The following RPS6KA2 variants were observed in gnomAD, a reference collection of about 807,000 sequenced individuals.
The protein encoded by RPS6KA2 is ribosomal protein S6 kinase A2.
In RPS6KA2, 42 loss-of-function variants were observed where a neutral mutation model predicts 91.8. That is an observed-to-expected ratio of 0.46 (90% CI 0.36 to 0.59). The LOEUF (loss-of-function observed/expected upper bound fraction) is 0.59. Among genes scored for constraint, RPS6KA2 ranks in the 20% least tolerant of loss-of-function variants. The pLI, the probability that RPS6KA2 is intolerant of heterozygous loss-of-function variation, is 0.00. For missense variants in RPS6KA2, 798 were observed against 978.5 expected, an observed-to-expected ratio of 0.82 and a Z score of 2.46; for synonymous variants, 414 against 393.6, an observed-to-expected ratio of 1.05 and a Z score of -0.61.
intron 1 of RPS6KA2, among the ~76,000 whole-genome samples, chr6:166,539,031 G>A (rs1370032625): frequency 2.0e-5 from 3 of 151,988 alleles, no homozygotes; most frequent in African/African-American, 7.3e-5. Context: ...CACCTCCCAG[G>A]TTCAAGTGAT....
chr6:166,588,764 A>G (rs3799598), intron 1 of RPS6KA2, among the ~76,000 whole-genome samples: 63,196 of 152,074 alleles, frequency 0.42, 13,985 homozygotes, highest in African/African-American at 0.55. Context: ...CCGGAAGCTC[A>G]GGGCCCGAAG....
rs1562501588 is a variant in RPS6KA2 at position 166,450,379 on chromosome 6, GACAGGGACCACCACAGGAGATCACC to G, written c.1206+699_1206+723del. Among the ~76,000 whole-genome samples, 4 of 112,236 alleles carry G rather than the reference GACAGGGACCACCACAGGAGATCACC, an allele frequency of 3.6e-5. No individual in the cohort carries two copies. The South Asian group carries it at 9.7e-4, about 27-fold the overall frequency. 73.6% of individuals were successfully genotyped at this position (112,236 alleles called of 152,430 possible). On this transcript the variant is annotated intron_variant, in intron 13 of 20. Transcript: ENST00000265678. ...CCCTAGGCACCAGCATGGGGACCAC[GACAGGGACCACCACAGGAGATCACC>G]ACAGGGACCACCACAGGGACCACCA...
At chr6:166,502,818 C>T (rs897340277) in intron 6 of RPS6KA2, among the ~76,000 whole-genome samples, 3 of 152,204 alleles carry the variant, frequency 2.0e-5, no homozygotes, top group African/African-American at 7.2e-5. Flanking sequence ...TGTGCTGCTG[C>T]TCTTGTGGGG....
chr6:166,615,949 T>C (rs998179697), intron 1 of RPS6KA2, among the ~76,000 whole-genome samples: 1 of 152,146 alleles, frequency 6.6e-6, no homozygotes, highest in Admixed American at 6.5e-5. Context: ...ACTGCAGTCA[T>C]TCTCATTCAA....
chr6:166,834,839 T>C (rs1391931928), intron 2 of RPS6KA2, among the ~76,000 whole-genome samples: 1 of 151,534 alleles, frequency 6.6e-6, no homozygotes, highest in Admixed American at 6.6e-5. Flanking sequence ...TATTATTTAT[T>C]TATTTATTTA....
At chr6:166,582,913 G>A (rs1785065211) in intron 1 of RPS6KA2, among the ~76,000 whole-genome samples, 2 of 152,328 alleles carry the variant, frequency 1.3e-5, no homozygotes, top group Admixed American at 1.3e-4. Context: ...GTAACTTGAT[G>A]TGGATAATAA....
chr6:166,731,763 G>C (rs1209944381), intron 2 of RPS6KA2, among the ~76,000 whole-genome samples: 1 of 152,048 alleles, frequency 6.6e-6, no homozygotes, highest in African/African-American at 2.4e-5. Context: ...GCCCAAACCT[G>C]GATGTGAATT....
At chr6:166,755,584 C>T (rs1032738030) in intron 2 of RPS6KA2, among the ~76,000 whole-genome samples, 11 of 152,118 alleles carry the variant, frequency 7.2e-5, no homozygotes, top group Admixed American at 2.6e-4. Flanking sequence ...GCCCACCTTC[C>T]GCAGGGCTGG....
intron 1 of RPS6KA2, among the ~76,000 whole-genome samples, chr6:166,547,287 G>T (rs1583267133): frequency 1.3e-5 from 2 of 152,210 alleles, no homozygotes; most frequent in South Asian, 4.1e-4. Flanking sequence ...AAGGAAGGCA[G>T]TTTGGGCTCT....
At chr6:166,637,043 C>T (rs1305935655) in intron 2 of RPS6KA2, among the ~76,000 whole-genome samples, 1 of 152,230 alleles carries the variant, frequency 6.6e-6, no homozygotes, top group Non-Finnish European at 1.5e-5. Flanking sequence ...AGCACCCTTC[C>T]TCTCCACCAC....
chr6:166,503,370 AG>A (rs1782087638), intron 6 of RPS6KA2, among the ~76,000 whole-genome samples: 1 of 152,262 alleles, frequency 6.6e-6, no homozygotes, highest in Non-Finnish European at 1.5e-5. Flanking sequence ...TGTTTCCCAT[AG>A]ATGACAGCTG....
chr6:166,439,547 T>C (rs1181525902), intron 14 of RPS6KA2, among the ~76,000 whole-genome samples: 9 of 152,248 alleles, frequency 5.9e-5, no homozygotes. Flanking sequence ...GCTGGAACTA[T>C]AGCAAAAGCA....
At chr6:166,743,366 C>T (rs549055008) in intron 2 of RPS6KA2, among the ~76,000 whole-genome samples, 2 of 152,370 alleles carry the variant, frequency 1.3e-5, no homozygotes, top group East Asian at 3.9e-4. Flanking sequence ...AACATGCCCA[C>T]AGAACGCCCA....
At chr6:166,502,704 C>T (rs182642835) in intron 6 of RPS6KA2, among the ~76,000 whole-genome samples, 123 of 152,336 alleles carry the variant, frequency 8.1e-4, no homozygotes, top group African/African-American at 2.5e-3. Flanking sequence ...ACAGGCCAGG[C>T]TCTGCAATCA....
chr6:166,691,834 C>T (rs1789213255), intron 2 of RPS6KA2, among the ~76,000 whole-genome samples: 1 of 152,208 alleles, frequency 6.6e-6, no homozygotes, highest in Non-Finnish European at 1.5e-5. Context: ...TATCCATCTT[C>T]TATACCCTTA....
intron 1 of RPS6KA2, among the ~76,000 whole-genome samples, chr6:166,605,628 A>G (rs1428009575): frequency 6.6e-6 from 1 of 152,202 alleles, no homozygotes; most frequent in Non-Finnish European, 1.5e-5. Flanking sequence ...ATAAATTAAC[A>G]TGTAGAGTAT....
chr6:166,760,071 G>A (rs1287699000), intron 2 of RPS6KA2, among the ~76,000 whole-genome samples: 2 of 152,182 alleles, frequency 1.3e-5, no homozygotes, highest in Non-Finnish European at 2.9e-5. Flanking sequence ...TGGTGTTGGG[G>A]CCCTGGTATT....
In RPS6KA2 at chr6:166,423,267, C is replaced by T. The variant is rs777355798; in HGVS notation, c.1732G>A (p.Val578Met). ...CGGGGAATGCTCACCTCCGGGGCCA[C>T]GAAATTGGCCGTGTAGCAGGGTGTC... is the stretch of plus-strand genomic sequence containing the variant. ...LMTPCYTANF[V>M]APEVLKRQGY... Residue 578 changes from valine (V) to methionine (M), a missense_variant, in exon 17 of 21, where the codon GTG (valine) becomes ATG (methionine). Val to Met is a conservative substitution (Grantham distance 21). Coordinates refer to ENST00000265678, the MANE Select transcript of RPS6KA2 (RefSeq NM_021135.6). This position sits in a 1 kb window ranked among gnomAD's most constrained non-coding sequence, Gnocchi z 4.8. 25 of 1,611,254 alleles carry T rather than the reference C, an allele frequency of 1.6e-5. No individual in the cohort carries two copies. Among genetic ancestry groups the T allele is most frequent in the East Asian group, 2.2e-5 (1 of 44,808 alleles).
At chr6:166,585,498 C>CTTTTTTTTTTTT (rs58153048) in intron 1 of RPS6KA2, among the ~76,000 whole-genome samples, 28 of 86,284 alleles carry the variant, frequency 3.2e-4, no homozygotes, top group Non-Finnish European at 4.3e-4. Context: ...TCAAACAAGT[C>CTTTTTTTTTTTT]TTTTTTTTTT....
Sources: allele counts gnomAD v4.1 joint callset (sites outside exome capture counted in the v4.1 genomes callset), GRCh38; gene constraint gnomAD v4.1.1; non-coding constraint Gnocchi (gnomAD v3.1); transcripts MANE v1.5; gene names NCBI Gene and HGNC (gene_info 2026-07-23, HGNC 2026-07-21).